The following ABTB3 variants were observed in gnomAD, a reference collection of about 807,000 sequenced individuals.
The protein encoded by ABTB3 is ankyrin repeat- and BTB/POZ domain-containing protein 3.
the ABTB3 span, among the ~76,000 whole-genome samples, chr12:107,517,822 C>T: frequency 7.2e-5 from 11 of 152,142 alleles, no homozygotes; most frequent in African/African-American, 2.2e-4. Flanking sequence ...TCAGAGTGAA[C>T]AGGCAAACTA....
At chr12:107,418,373 T>C in the ABTB3 span, among the ~76,000 whole-genome samples, 5 of 152,218 alleles carry the variant, frequency 3.3e-5, no homozygotes, top group Non-Finnish European at 7.3e-5. Flanking sequence ...TGTGATTGTG[T>C]GAGTTGATAC....
the ABTB3 span, among the ~76,000 whole-genome samples, chr12:107,602,704 T>C: frequency 1.6e-4 from 24 of 152,186 alleles, no homozygotes; most frequent in African/African-American, 5.5e-4. Context: ...TAAAACATAA[T>C]AAATGCATAA....
the ABTB3 span, among the ~76,000 whole-genome samples, chr12:107,358,620 C>T: frequency 2.8e-4 from 42 of 151,840 alleles, no homozygotes; most frequent in Admixed American, 5.9e-4. Flanking sequence ...CCCAAGACAG[C>T]GTTTCACTCT....
At chr12:107,649,489 G>A in the ABTB3 span, 1 of 549,456 alleles carries the variant, frequency 1.8e-6, no homozygotes, top group Non-Finnish European at 3.3e-6. Context: ...AGGCTGGGGT[G>A]CTAGTGCACT....
At chr12:107,627,868 TC>T in the ABTB3 span, among the ~76,000 whole-genome samples, 1 of 152,240 alleles carries the variant, frequency 6.6e-6, no homozygotes, top group Non-Finnish European at 1.5e-5. Flanking sequence ...ATTTACTTGA[TC>T]TTTTTCTTAA....
the ABTB3 span, among the ~76,000 whole-genome samples, chr12:107,457,017 G>A: frequency 2.0e-5 from 3 of 152,146 alleles, no homozygotes; most frequent in Non-Finnish European, 4.4e-5. Flanking sequence ...CCGCCACCAC[G>A]CCCAGCTAAT....
chr12:107,618,437 A>C, the ABTB3 span: 1 of 1,422,488 alleles, frequency 7.0e-7, no homozygotes, highest in Non-Finnish European at 9.6e-7. Context: ...AGGTCCACAC[A>C]CACATGAACA....
the ABTB3 span, chr12:107,640,264 A>C: frequency 2.7e-6 from 3 of 1,109,208 alleles, no homozygotes; most frequent in African/African-American, 1.6e-5. Context: ...TCTAAACTTC[A>C]TCCTTTTTTC....
the ABTB3 span, among the ~76,000 whole-genome samples, chr12:107,517,902 A>G: frequency 1.3e-5 from 2 of 152,216 alleles, no homozygotes; most frequent in Admixed American, 6.5e-5. Context: ...TACAAAGAAC[A>G]TGAACAAATT....
At chr12:107,615,680 G>T in the ABTB3 span, among the ~76,000 whole-genome samples, 1 of 152,212 alleles carries the variant, frequency 6.6e-6, no homozygotes, top group Admixed American at 6.5e-5. Context: ...CCTTGGCCAT[G>T]TGTCTTCTGA....
chr12:107,654,537 G>A, the ABTB3 span, among the ~76,000 whole-genome samples: 1 of 152,168 alleles, frequency 6.6e-6, no homozygotes, highest in Non-Finnish European at 1.5e-5. Context: ...GATCTCAGGT[G>A]ATCCACCAGC....
the ABTB3 span, among the ~76,000 whole-genome samples, chr12:107,522,928 CT>C: frequency 6.6e-6 from 1 of 152,076 alleles, no homozygotes; most frequent in Admixed American, 6.5e-5. Flanking sequence ...TACATACCCC[CT>C]AATTCAGGGC....
the ABTB3 span, among the ~76,000 whole-genome samples, chr12:107,339,191 C>A: frequency 3.9e-5 from 6 of 152,186 alleles, no homozygotes; most frequent in African/African-American, 1.4e-4. Flanking sequence ...TTGCACCTTT[C>A]CCATAGTGGG....
chr12:107,553,129 T>G, the ABTB3 span, among the ~76,000 whole-genome samples: 1 of 152,204 alleles, frequency 6.6e-6, no homozygotes, highest in Non-Finnish European at 1.5e-5. Context: ...ATGAACTAAC[T>G]AACATAAGTG....
At chr12:107,617,791 A>G in the ABTB3 span, 2 of 362,038 alleles carry the variant, frequency 5.5e-6, no homozygotes, top group East Asian at 5.0e-5. Flanking sequence ...CTTCCCTTCT[A>G]CATCTCCTTC....
At chr12:107,610,367 G>T in the ABTB3 span, 1 of 1,613,508 alleles carries the variant, frequency 6.2e-7, no homozygotes, top group Non-Finnish European at 8.5e-7. Context: ...TACAGGGTCC[G>T]AGGGTCTGAA....
At chr12:107,340,574 C>G in the ABTB3 span, among the ~76,000 whole-genome samples, 1 of 152,058 alleles carries the variant, frequency 6.6e-6, no homozygotes, top group South Asian at 2.1e-4. Flanking sequence ...AAGGGAAAAA[C>G]AGTTGGTACC....
the ABTB3 span, among the ~76,000 whole-genome samples, chr12:107,539,947 G>T: frequency 6.6e-6 from 1 of 152,154 alleles, no homozygotes; most frequent in Admixed American, 6.5e-5. Context: ...CTCTAAAAGA[G>T]AATGTCCTTC....
chr12:107,388,773 ATAGATGT>A, the ABTB3 span, among the ~76,000 whole-genome samples: 1 of 152,230 alleles, frequency 6.6e-6, no homozygotes, highest in African/African-American at 2.4e-5. Flanking sequence ...GGCTGTGCTA[ATAGATGT>A]AAAGGGTTTG....
Sources: gnomAD v4.1 joint callset for allele counts (sites outside exome capture counted in the v4.1 genomes callset) on GRCh38, gnomAD v4.1.1 for gene constraint, MANE v1.5 for transcripts, NCBI Gene and HGNC (gene_info 2026-07-23, HGNC 2026-07-21) for gene names.